Variants in LRRTM1 observed in about 807,000 individuals in gnomAD.
LRRTM1 encodes leucine-rich repeat transmembrane neuronal protein 1.
A neutral mutation model predicts 37.3 loss-of-function variants in LRRTM1; 8 were observed. The observed-to-expected ratio is 0.21, with a 90% CI of 0.13 to 0.39. LRRTM1 has a LOEUF of 0.39. LRRTM1 is among the 10% of genes least tolerant of loss of function. The pLI, the probability that LRRTM1 is intolerant of heterozygous loss-of-function variation, is 1.00. For synonymous variants in LRRTM1, 326 were observed against 316.8 expected (o/e 1.03, Z -0.31); for missense variants, 557 against 691.0 (o/e 0.81, Z 2.17).
intron 2 of LRRTM1, among the ~76,000 whole-genome samples, chr2:80,291,390 T>C (rs1675224048): frequency 6.6e-6 from 1 of 152,168 alleles, no homozygotes; most frequent in Non-Finnish European, 1.5e-5. Flanking sequence ...ACCAACTTGC[T>C]CAAGGGCCAG....
chr2:80,303,288 C>G lies in LRRTM1; in HGVS notation c.532G>C (p.Val178Leu), dbSNP rs1676546539. Residue 178 changes from valine to leucine, a missense_variant, in exon 2 of 2, where the codon GTG (valine) becomes CTG (leucine). This residue lies in a region of LRRTM1 where 200 missense variants were observed against 249.9 expected (regional missense o/e 0.80). Coordinates refer to ENST00000295057, the MANE Select transcript of LRRTM1 (RefSeq NM_178839.5). The surrounding 1 kb of genome is among the most constrained non-coding windows in gnomAD (Gnocchi z 7.7). Reference protein sequence around the residue: ...MRANAIQFVPVRIFQDCRSLK... With the variant: ...MRANAIQFVPLRIFQDCRSLK... Reference sequence around the variant, plus strand: ...CTGCGGCAGTCCTGGAAGATGCGCACGGGCACAAACTGGATGGCGTTGGCC... The same window carrying G: ...CTGCGGCAGTCCTGGAAGATGCGCAGGGGCACAAACTGGATGGCGTTGGCC... The G allele has an allele frequency of 6.2e-7, 1 of 1,613,530 alleles. No individual in the cohort carries two copies. The highest frequency in any genetic ancestry group is 8.5e-7 in the Non-Finnish European group (1 of 1,180,012).
At position 80,302,066 on chromosome 2, in the gene LRRTM1, A is replaced by T; in HGVS notation, c.*185T>A. On this transcript the variant is annotated 3_prime_UTR_variant, in exon 2 of 2. Transcript: ENST00000295057. This position sits in a 1 kb window ranked among gnomAD's most constrained non-coding sequence, Gnocchi z 6.4. ...GGGGTGGGGTTTTTTGTTGTGTTTTAATTCGCTTTTGTTTTTAAGACACAA... is the reference window on the plus strand; with the variant it reads ...GGGGTGGGGTTTTTTGTTGTGTTTTTATTCGCTTTTGTTTTTAAGACACAA... 4 of 766,056 alleles carry T rather than the reference A, an allele frequency of 5.2e-6. No homozygotes were observed. The highest frequency in any genetic ancestry group is 8.0e-6 in the Non-Finnish European group (4 of 502,772). 47.5% of individuals were successfully genotyped at this position (766,056 alleles called of 1,614,324 possible). A position where few individuals can be genotyped will look rare whatever the true frequency, so the allele number is the denominator to read the frequency against.
chr2:80,296,374 AT>A (rs925358340), intron 2 of LRRTM1, among the ~76,000 whole-genome samples: 16 of 151,538 alleles, frequency 1.1e-4, no homozygotes, highest in East Asian at 1.9e-4. Flanking sequence ...TGTTAACTTG[AT>A]TTTTTTTTCC....
intron 2 of LRRTM1, among the ~76,000 whole-genome samples, chr2:80,293,689 G>A (rs140126302): frequency 3.9e-4 from 59 of 152,090 alleles, no homozygotes; most frequent in Non-Finnish European, 6.0e-4. Context: ...AAAAATCCCC[G>A]GAGTAGAATT....
intron 2 of LRRTM1, among the ~76,000 whole-genome samples, chr2:80,290,296 C>G (rs527408141): frequency 6.6e-6 from 1 of 152,260 alleles, no homozygotes; most frequent in African/African-American, 2.4e-5. Flanking sequence ...GCAGAAGGAG[C>G]TGATAAGACA....
At chr2:80,297,370 G>C (rs1456803211), downstream of LRRTM1, among the ~76,000 whole-genome samples, 1 of 152,156 alleles carries the variant, frequency 6.6e-6, no homozygotes, top group Non-Finnish European at 1.5e-5. Flanking sequence ...ACTTCTGTAA[G>C]CCTCAGGTTC....
At chr2:80,289,237 G>A (rs574251944) in intron 2 of LRRTM1, 1 of 152,166 alleles carries the variant, frequency 6.6e-6, no homozygotes, top group South Asian at 2.1e-4. Flanking sequence ...ATAAATAAAA[G>A]GCAGTCACCT....
chr2:80,302,871 C>T lies in LRRTM1; in HGVS notation c.949G>A (p.Asp317Asn). 6.2e-7 allele frequency: 1 copy of T among 1,614,166 alleles called. No individual in the cohort carries two copies. Among genetic ancestry groups the T allele is most frequent in the Non-Finnish European group, 8.5e-7 (1 of 1,180,024 alleles). ...TSITLAGNLW[D>N]CGRNVCALAS... ...AGGGCACACACGTTGCGCCCGCAATCCCACAGGTTCCCGGCCAGGGTGATG... is the reference window on the plus strand; with the variant it reads ...AGGGCACACACGTTGCGCCCGCAATTCCACAGGTTCCCGGCCAGGGTGATG... Residue 317 changes from aspartate (D) to asparagine (N), a missense_variant, in exon 2 of 2, where the codon GAT becomes AAT. Physicochemically the swap from Asp to Asn is conservative, Grantham distance 23 (BLOSUM62 1). Around this residue, in one of 5 missense-constraint regions of LRRTM1, gnomAD observed 200 missense variants for 249.9 expected, o/e 0.80. Transcript: ENST00000295057. The surrounding 1 kb of genome is among the most constrained non-coding windows in gnomAD (Gnocchi z 6.4).
At chr2:80,299,747 G>A (rs1036696322), downstream of LRRTM1, 1 of 152,186 alleles carries the variant, frequency 6.6e-6, no homozygotes, top group African/African-American at 2.4e-5. Context: ...ATAAACTACA[G>A]TTTCCAATAT....
intron 2 of LRRTM1, among the ~76,000 whole-genome samples, chr2:80,295,654 G>A (rs1170250081): frequency 6.6e-6 from 1 of 152,162 alleles, no homozygotes; most frequent in Non-Finnish European, 1.5e-5. Context: ...ATACCTAGAA[G>A]AATCCTTCTA....
At position 80,302,893 on chromosome 2, in the gene LRRTM1, G is replaced by A. The variant is rs2149208126; in HGVS notation, c.927C>T (p.Ile309=). 1.2e-6 allele frequency: 2 copies of A among 1,614,176 alleles called. No homozygotes were observed. Among genetic ancestry groups the A allele is most frequent in the Non-Finnish European group, 1.7e-6 (2 of 1,180,034 alleles). The change falls in exon 2 of 2, where the codon ATC becomes ATT. Residue 309 remains isoleucine (I), a synonymous_variant. Transcript: ENST00000295057. The surrounding 1 kb of genome is among the most constrained non-coding windows in gnomAD (Gnocchi z 6.4). The stretch of plus-strand genomic sequence containing the variant: ...AATCCCACAGGTTCCCGGCCAGGGT[G>A]ATGCTTGTCAGGGACTTCCAAGAGT... The part of the protein sequence containing the change: ...ILNSWKSLTS[I]TLAGNLWDCG...
At chr2:80,298,607 T>C (rs1290902620), downstream of LRRTM1, 1 of 152,258 alleles carries the variant, frequency 6.6e-6, no homozygotes, top group African/African-American at 2.4e-5. Context: ...CAAGTGGCAT[T>C]TGCCCCTCTG....
chr2:80,289,074 A>G (rs1675013966), exon 3 of LRRTM1: 2 of 152,150 alleles, frequency 1.3e-5, no homozygotes, highest in African/African-American at 4.8e-5. Context: ...GCCGAGATGG[A>G]TTTCTTTCCC....
At chr2:80,289,140 G>A (rs576428262) in exon 3 of LRRTM1, 2 of 152,152 alleles carry the variant, frequency 1.3e-5, no homozygotes, top group Non-Finnish European at 2.9e-5. Context: ...GATATATGCT[G>A]CGGATGAGAG....
chr2:80,293,810 G>A (rs1675481033), intron 2 of LRRTM1, among the ~76,000 whole-genome samples: 1 of 152,154 alleles, frequency 6.6e-6, no homozygotes, highest in Non-Finnish European at 1.5e-5. Context: ...ATATTTTGGT[G>A]TTAGGGGTAT....
At position 80,302,144 on chromosome 2, in the gene LRRTM1, G is replaced by T; in HGVS notation, c.*107C>A. The T allele has an allele frequency of 7.3e-7, 1 of 1,378,540 alleles. No individual in the cohort carries two copies. The highest frequency in any genetic ancestry group is 2.4e-5 in the East Asian group (1 of 41,776). The allele number at this position is 1,378,540 out of a possible 1,614,324, so 85.4% of individuals were successfully genotyped here. ...GAGATCCCCTTAAAGTTTCAGTCAA[G>T]GAGCATATCAGAGCACAGACAAGGA... On this transcript the variant is annotated 3_prime_UTR_variant, in exon 2 of 2. Transcript: ENST00000295057. The surrounding 1 kb of genome is among the most constrained non-coding windows in gnomAD (Gnocchi z 6.4).
intron 2 of LRRTM1, among the ~76,000 whole-genome samples, chr2:80,289,847 G>T (rs1037920369): frequency 4.6e-5 from 7 of 152,152 alleles, no homozygotes; most frequent in African/African-American, 1.7e-4. Flanking sequence ...AAGTGTACTT[G>T]CCTCCCTGCT....
At position 80,303,965 on chromosome 2, in the gene LRRTM1, G is replaced by A; in HGVS notation, c.-59-87C>T. On this transcript the variant is annotated intron_variant, in intron 1 of 1. Coordinates refer to ENST00000295057, the MANE Select transcript of LRRTM1 (RefSeq NM_178839.5). This position sits in a 1 kb window ranked among gnomAD's most constrained non-coding sequence, Gnocchi z 7.7. Reference sequence around the variant, plus strand: ...CAAATAAATACATAGAAATAAAGAAGGACCCCCCTCCCCAAAAACCACACG... The same window carrying A: ...CAAATAAATACATAGAAATAAAGAAAGACCCCCCTCCCCAAAAACCACACG... The A allele has an allele frequency of 1.0e-6, 1 of 964,828 alleles. No homozygotes were observed. The highest frequency in any genetic ancestry group is 2.8e-5 in the South Asian group (1 of 35,952). 59.8% of individuals were successfully genotyped at this position (964,828 alleles called of 1,614,324 possible). A position where few individuals can be genotyped will look rare whatever the true frequency, so the allele number is the denominator to read the frequency against.
intron 2 of LRRTM1, among the ~76,000 whole-genome samples, chr2:80,294,358 C>G (rs578191105): frequency 6.6e-6 from 1 of 152,266 alleles, no homozygotes; most frequent in South Asian, 2.1e-4. Flanking sequence ...GCACGTCTTT[C>G]TTCTATCAGT....
Sources: allele counts gnomAD v4.1 joint callset (sites outside exome capture counted in the v4.1 genomes callset), GRCh38; gene constraint gnomAD v4.1.1; regional missense constraint gnomAD v4.1.1; non-coding constraint Gnocchi (gnomAD v3.1); transcripts MANE v1.5; gene names NCBI Gene and HGNC (gene_info 2026-07-23, HGNC 2026-07-21).